Variants in SNUPN observed in about 807,000 individuals in gnomAD.
The protein encoded by SNUPN is snurportin 1, also known as snurportin-1.
A neutral mutation model predicts 39.2 loss-of-function variants in SNUPN; 31 were observed. The ratio of observed to expected loss-of-function variants is 0.79; its 90% CI spans 0.59 to 1.07. The LOEUF (loss-of-function observed/expected upper bound fraction) is 1.07. Among genes scored for constraint, SNUPN ranks in the 50% least tolerant of loss-of-function variants. SNUPN has a pLI of 0.00. For missense variants in SNUPN, 382 were observed against 434.2 expected, an observed-to-expected ratio of 0.88 and a Z score of 1.07; for synonymous variants, 132 against 159.0, an observed-to-expected ratio of 0.83 and a Z score of 1.28.
At chr15:75,605,121 A>AAC in intron 7 of SNUPN, 29 bp downstream of exon 7, 3 of 1,423,384 alleles carry the variant, frequency 2.1e-6, no homozygotes, top group Non-Finnish European at 3.0e-6. Context: ...CCCCATAAGG[A>AAC]ACTCAGTGAT....
chr15:75,623,378 C>T (rs566312514), intron 1 of SNUPN, among the ~76,000 whole-genome samples: 2,702 of 151,164 alleles, frequency 0.018, 81 homozygotes, highest in East Asian at 0.11. Context: ...CTCGATCTCC[C>T]GACCTCCTGA....
chr15:75,614,606 G>A (rs1434564567), intron 3 of SNUPN, among the ~76,000 whole-genome samples: 3 of 152,150 alleles, frequency 2.0e-5, no homozygotes, highest in Non-Finnish European at 4.4e-5. Flanking sequence ...GGGCTACAGG[G>A]AAGAATGGAG....
intron 6 of SNUPN, among the ~76,000 whole-genome samples, chr15:75,606,963 C>A (rs2075335507): frequency 6.6e-6 from 1 of 152,210 alleles, no homozygotes. Flanking sequence ...CAAGTCCCAG[C>A]CTACACCCCT....
intron 6 of SNUPN, 161 bp from the exon 7 acceptor site, chr15:75,605,388 C>T (rs779743141): frequency 6.3e-5 from 28 of 445,578 alleles, no homozygotes; most frequent in Non-Finnish European, 1.0e-4. Flanking sequence ...CTCACTGTAA[C>T]CTCCGCCTCC....
rs1456765693 is a variant in SNUPN at position 75,619,019 on chromosome 15, T to A, written c.159-1467A>T. Reference sequence around the variant, plus strand: ...ACAGTATATAGTATACTGCTACTTGTGTTAAAAAAAAAAAAAAAAAAAAAA... The same window carrying A: ...ACAGTATATAGTATACTGCTACTTGAGTTAAAAAAAAAAAAAAAAAAAAAA... On this transcript the variant is annotated intron_variant, in intron 2 of 8. Transcript: ENST00000308588. Among the ~76,000 whole-genome samples the A allele has an allele frequency of 2.4e-5, 3 of 124,598 alleles. No individual in the cohort carries two copies. In the East Asian group the frequency reaches 6.7e-4, roughly 28 times the overall value. The allele number at this position is 124,598 out of a possible 152,430, so 81.7% of individuals were successfully genotyped here.
chr15:75,625,063 A>G (rs778997612), intron 1 of SNUPN: 89 of 165,222 alleles, frequency 5.4e-4, no homozygotes, highest in Admixed American at 1.1e-3. Flanking sequence ...GGCGTGAGCC[A>G]CTGCGCCCCG....
chr15:75,622,361 T>C (rs1595990072), intron 1 of SNUPN: 1 of 985,416 alleles, frequency 1.0e-6, no homozygotes, highest in Non-Finnish European at 1.2e-6. Context: ...AGCTAGGATG[T>C]GGAAGGCTGC....
At chr15:75,619,425 T>A (rs1893014964) in intron 2 of SNUPN, among the ~76,000 whole-genome samples, 1 of 152,036 alleles carries the variant, frequency 6.6e-6, no homozygotes, top group Non-Finnish European at 1.5e-5. Context: ...GAGGATCAGT[T>A]GAGCCTAGGA....
rs977735113 is a variant in SNUPN at position 75,623,585 on chromosome 15, T to C, written c.-6+2081A>G. ...TCAGCCTCCTGAGTAGCTGGGATTA[T>C]AGACATGCACCACCATGCTCGGCTA... On this transcript the variant is annotated intron_variant, in intron 1 of 8. Transcript: ENST00000308588. Among the ~76,000 whole-genome samples the C allele has an allele frequency of 5.5e-4, 83 of 151,640 alleles. 3 individuals carry two copies. The highest frequency in any genetic ancestry group is 5.3e-3 in the Admixed American group (80 of 15,192).
rs1212609462 is a variant in SNUPN at position 75,610,860 on chromosome 15, C to G, written c.304-866G>C. Among the ~76,000 whole-genome samples, 12 of 152,218 alleles carry G rather than the reference C, an allele frequency of 7.9e-5. No homozygotes were observed. In the South Asian group the frequency reaches 2.5e-3, roughly 32 times the overall value. On this transcript the variant is annotated intron_variant, in intron 3 of 8. Transcript: ENST00000308588. The stretch of plus-strand genomic sequence containing the variant: ...GAAGACAAACTCTTCCACTCAGTCT[C>G]TTCCATCTGTAAAGACTTTGTCCCA...
chr15:75,616,267 T>C (rs1892931694), intron 3 of SNUPN, among the ~76,000 whole-genome samples: 1 of 151,254 alleles, frequency 6.6e-6, no homozygotes, highest in South Asian at 2.1e-4. Flanking sequence ...GACCAACCTG[T>C]CCACCATGGT....
At chr15:75,613,116 G>A (rs780703174) in intron 3 of SNUPN, among the ~76,000 whole-genome samples, 8 of 151,926 alleles carry the variant, frequency 5.3e-5, no homozygotes, top group African/African-American at 9.7e-5. Context: ...AAAATTAGCC[G>A]GGCGCGGTGG....
At chr15:75,598,813 A>G in intron 8 of SNUPN, 132 bp from the exon 9 acceptor site, 1 of 615,190 alleles carries the variant, frequency 1.6e-6, no homozygotes, top group Non-Finnish European at 2.7e-6. Flanking sequence ...AAAGAGTCCC[A>G]GCTTCTCACA....
intron 1 of SNUPN, among the ~76,000 whole-genome samples, chr15:75,621,442 G>C (rs1041001417): frequency 2.0e-5 from 3 of 151,722 alleles, no homozygotes; most frequent in Non-Finnish European, 2.9e-5. Flanking sequence ...AAAATTTATT[G>C]GTACAGACGG....
At chr15:75,607,914 G>T (rs556103021) in intron 5 of SNUPN, among the ~76,000 whole-genome samples, 39 of 152,244 alleles carry the variant, frequency 2.6e-4, no homozygotes, top group Non-Finnish European at 4.7e-4. Context: ...AGAAGAGAGG[G>T]CATTTCAGAC....
Position 75,599,264 on chromosome 15 carries a change from C to T in SNUPN, c.760-583G>A, listed in dbSNP as rs539454475. ...CACTATTTTACTATCTTACCCATGA[C>T]GGTGTCTGAGAGATGGGGCTGCTCA... is the stretch of plus-strand genomic sequence containing the variant. On this transcript the variant is annotated intron_variant, in intron 8 of 8. Transcript: ENST00000308588. 4.9e-4 allele frequency among the ~76,000 whole-genome samples: 74 copies of T among 152,292 alleles called. No homozygotes were observed. In the South Asian group the frequency reaches 0.015, roughly 30 times the overall value.
At chr15:75,604,735 T>C (rs1451112109) in intron 7 of SNUPN, among the ~76,000 whole-genome samples, 2 of 152,198 alleles carry the variant, frequency 1.3e-5, no homozygotes, top group Non-Finnish European at 2.9e-5. Flanking sequence ...TAGTCTTTTT[T>C]TAGTTATTAT....
At chr15:75,616,016 A>G (rs74539792) in intron 3 of SNUPN, among the ~76,000 whole-genome samples, 5,482 of 152,294 alleles carry the variant, frequency 0.036, 130 homozygotes, top group Middle Eastern at 0.17. Context: ...AGTTTAACAC[A>G]GAGCAGGTCT....
At chr15:75,598,730 G>A (rs1384025190) in intron 8 of SNUPN, 49 bp from the exon 9 acceptor site, 1 of 1,448,732 alleles carries the variant, frequency 6.9e-7, no homozygotes, top group Non-Finnish European at 9.4e-7. Context: ...GGGGCCACAT[G>A]TTTCCAGGAG....
Sources: allele counts gnomAD v4.1 joint callset (sites outside exome capture counted in the v4.1 genomes callset), GRCh38; gene constraint gnomAD v4.1.1; transcripts MANE v1.5; gene names NCBI Gene and HGNC (gene_info 2026-07-23, HGNC 2026-07-21).